Variants in LRR1 observed in about 807,000 individuals in gnomAD.
LRR1 encodes the protein leucine rich repeat protein 1.
Under a neutral mutation model 31.6 loss-of-function variants are expected in LRR1, and 29 were observed. The observed-to-expected ratio is 0.92, with a 90% confidence interval of 0.68 to 1.25. LRR1 has a LOEUF of 1.25. LRR1 is among the 50% of genes most tolerant of loss of function. The pLI, the probability that LRR1 is intolerant of heterozygous loss-of-function variation, is 0.00. For synonymous variants in LRR1, 179 were observed against 181.4 expected (o/e 0.99, Z 0.10); for missense variants, 485 against 487.2 (o/e 1.00, Z 0.04).
chr14:49,610,629 C>T (rs539724878), intron 3 of LRR1, among the ~76,000 whole-genome samples: 12 of 150,922 alleles, frequency 8.0e-5, no homozygotes, highest in African/African-American at 1.7e-4. Flanking sequence ...ATGGCGTGAT[C>T]TCAGCTCACT....
chr14:49,613,689 G>A (rs1467762458), intron 3 of LRR1, among the ~76,000 whole-genome samples: 1 of 151,822 alleles, frequency 6.6e-6, no homozygotes, highest in African/African-American at 2.4e-5. Flanking sequence ...GGTGGTAGGC[G>A]CCTGTAATCC....
At chr14:49,603,860 T>C (rs1366641893) in intron 2 of LRR1, among the ~76,000 whole-genome samples, 2 of 151,806 alleles carry the variant, frequency 1.3e-5, no homozygotes, top group East Asian at 4.0e-4. Context: ...GCCCAGCTAA[T>C]TTTTTGTATC....
chr14:49,609,249 A>G (rs1333964636), intron 3 of LRR1, among the ~76,000 whole-genome samples: 1 of 55,378 alleles, frequency 1.8e-5, no homozygotes, highest in South Asian at 4.3e-4. Context: ...TTTTTGAGAC[A>G]GGGTCTCACT....
In LRR1 at chr14:49,601,736, G is replaced by C. The variant is rs545998023; in HGVS notation, c.184-634G>C. ...CATTCTCTCAAAACATGGTGATCCT[G>C]TTCTCAAAGGAGAGTTACTGGACAG... On this transcript the variant is annotated intron_variant, in intron 1 of 3. Coordinates refer to ENST00000298288, the MANE Select transcript of LRR1 (RefSeq NM_152329.4). 1.7e-4 allele frequency: 211 copies of C among 1,245,360 alleles called. 2 individuals carry two copies. In the African/African-American group the frequency reaches 3.1e-3, roughly 18 times the overall value. 77.1% of individuals were successfully genotyped at this position (1,245,360 alleles called of 1,614,324 possible). A position where few individuals can be genotyped will look rare whatever the true frequency, so the allele number is the denominator to read the frequency against.
chr14:49,604,628 G>C (rs1320151458), intron 2 of LRR1, among the ~76,000 whole-genome samples: 3 of 151,884 alleles, frequency 2.0e-5, no homozygotes, highest in Non-Finnish European at 4.4e-5. Context: ...GAAGGTCAAG[G>C]CTGCAGTGAA....
rs755330432 is a variant in LRR1 at position 49,614,310 on chromosome 14, C to T, written c.1059C>T (p.Thr353=). 7.4e-6 allele frequency: 12 copies of T among 1,613,476 alleles called. No homozygotes were observed. Among genetic ancestry groups the T allele is most frequent in the East Asian group, 2.2e-5 (1 of 44,844 alleles). ...TCCATCTCTGCCAAGATTTGGATACCGCAAAAATTTGTGTTTGTGGAAGAT... is the reference window on the plus strand; with the variant it reads ...TCCATCTCTGCCAAGATTTGGATACTGCAAAAATTTGTGTTTGTGGAAGAT... ...IPFHLCQDLD[T]AKICVCGRFC... is the part of the protein sequence containing the mutation. Residue 353 remains threonine, a synonymous_variant, in exon 4 of 4, where the codon ACC becomes ACT. Coordinates refer to ENST00000298288, the MANE Select transcript of LRR1 (RefSeq NM_152329.4).
rs563932044 is a variant in LRR1 at position 49,603,934 on chromosome 14, G to A, written c.282+1466G>A. On this transcript the variant is annotated intron_variant, in intron 2 of 3. Coordinates refer to ENST00000298288, the MANE Select transcript of LRR1 (RefSeq NM_152329.4). Reference sequence around the variant, plus strand: ...TCTCAAACTCCTGACCTCGTGATCCGCCCACCTTGGCCGCCCAAAGTGCTG... The same window carrying A: ...TCTCAAACTCCTGACCTCGTGATCCACCCACCTTGGCCGCCCAAAGTGCTG... Among the ~76,000 whole-genome samples, 12 of 150,260 alleles carry A rather than the reference G, an allele frequency of 8.0e-5. No individual in the cohort carries two copies. In the East Asian group the frequency reaches 1.0e-3, roughly 13 times the overall value.
intron 3 of LRR1, among the ~76,000 whole-genome samples, chr14:49,610,289 A>AGGCTGGAGTGCAGTGCGCAAGC (rs72380805): frequency 1.4e-5 from 2 of 146,822 alleles, no homozygotes; most frequent in East Asian, 2.0e-4. Flanking sequence ...CTTGTTGCCC[A>AGGCTGGAGTGCAGTGCGCAAGC]GGCTGGAGTG....
rs369016602 is a variant in LRR1 at position 49,603,460 on chromosome 14, A to T, written c.282+992A>T. Reference sequence around the variant, plus strand: ...AAATCTAAGTTTGTTGTAATAAAAGAGGAAAAAATTCAATTAGAACCATCT... The same window carrying T: ...AAATCTAAGTTTGTTGTAATAAAAGTGGAAAAAATTCAATTAGAACCATCT... On this transcript the variant is annotated intron_variant, in intron 2 of 3. Coordinates refer to ENST00000298288, the MANE Select transcript of LRR1 (RefSeq NM_152329.4). 6.3e-5 allele frequency: 18 copies of T among 287,612 alleles called. 1 individual carries two copies. In the East Asian group the frequency reaches 1.5e-3, roughly 24 times the overall value. 17.8% of individuals were successfully genotyped at this position (287,612 alleles called of 1,614,324 possible).
chr14:49,602,538 G>A, intron 2 of LRR1, 70 bp downstream of exon 2: 1 of 1,310,520 alleles, frequency 7.6e-7, no homozygotes, highest in Non-Finnish European at 1.1e-6. Context: ...ACAGAGTCTT[G>A]TTCTGTCACC....
chr14:49,601,091 T>G, intron 1 of LRR1: 1 of 1,611,396 alleles, frequency 6.2e-7, no homozygotes. Flanking sequence ...TAGCCAAAGG[T>G]CGCTCCAAGC....
intron 2 of LRR1, among the ~76,000 whole-genome samples, chr14:49,606,225 C>T (rs900719939): frequency 6.6e-6 from 1 of 152,012 alleles, no homozygotes; most frequent in Admixed American, 6.6e-5. Context: ...CGGGGTTTCA[C>T]CATGTTGGCC....
intron 3 of LRR1, chr14:49,612,699 GT>G (rs1882556546): frequency 1.1e-6 from 1 of 926,140 alleles, no homozygotes; most frequent in South Asian, 3.3e-5. Context: ...CTCATTTTAA[GT>G]TGTAAGACTA....
At chr14:49,610,168 G>A (rs1274271967) in intron 3 of LRR1, among the ~76,000 whole-genome samples, 1 of 151,920 alleles carries the variant, frequency 6.6e-6, no homozygotes, top group Admixed American at 6.5e-5. Context: ...TTCAGTAGCT[G>A]TTGGTTCTCT....
chr14:49,601,101 C>T (rs1566491109), intron 1 of LRR1: 3 of 1,610,946 alleles, frequency 1.9e-6, no homozygotes, highest in South Asian at 1.1e-5. Flanking sequence ...TCGCTCCAAG[C>T]GTACAGGAGA....
intron 1 of LRR1, among the ~76,000 whole-genome samples, chr14:49,599,818 G>A (rs967161244): frequency 2.0e-5 from 3 of 146,344 alleles, no homozygotes; most frequent in African/African-American, 7.4e-5. Flanking sequence ...AGCGCCGCGG[G>A]CCTGCGGCCC....
chr14:49,604,763 C>A (rs1425278356), intron 2 of LRR1, among the ~76,000 whole-genome samples: 1 of 152,114 alleles, frequency 6.6e-6, no homozygotes, highest in African/African-American at 2.4e-5. Context: ...CAGAGCAAGA[C>A]CCTTTCTCAA....
At chr14:49,611,347 C>T (rs549701984) in intron 3 of LRR1, among the ~76,000 whole-genome samples, 11 of 152,186 alleles carry the variant, frequency 7.2e-5, no homozygotes, top group Middle Eastern at 3.4e-3. Flanking sequence ...TGGTGGTGCG[C>T]ACCTGTAATC....
chr14:49,599,191 G>T lies in LRR1; in HGVS notation c.171G>T (p.Gly57=). Residue 57 remains glycine, a synonymous_variant, in exon 1 of 4, where the codon GGG becomes GGT. Transcript: ENST00000298288. ...TCTCCACCCTGAAGGACAAGCGCGG[G>T]ACCCGCTATGAGGTGCGTGAAGTGG... The part of the protein sequence containing the change: ...LLISTLKDKR[G]TRYELRENIE... The T allele has an allele frequency of 6.2e-7, 1 of 1,606,358 alleles. No individual in the cohort carries two copies.
Sources: allele counts gnomAD v4.1 joint callset (sites outside exome capture counted in the v4.1 genomes callset), GRCh38; gene constraint gnomAD v4.1.1; transcripts MANE v1.5; gene names NCBI Gene and HGNC (gene_info 2026-07-23, HGNC 2026-07-21).